The following GABRB1 variants were observed in gnomAD, a reference collection of about 807,000 sequenced individuals.
The protein encoded by GABRB1 is gamma-aminobutyric acid receptor subunit beta-1.
A neutral mutation model predicts 51.6 loss-of-function variants in GABRB1; 17 were observed. That is an observed-to-expected ratio of 0.33 (90% CI 0.23 to 0.49). The LOEUF (loss-of-function observed/expected upper bound fraction) is 0.49. GABRB1 is among the 20% of genes least tolerant of loss of function. The pLI is 0.99. For synonymous variants in GABRB1, 247 were observed against 218.9 expected (o/e 1.13, Z -1.14); for missense variants, 410 against 600.6 (o/e 0.68, Z 3.32).
intron 4 of GABRB1, among the ~76,000 whole-genome samples, chr4:47,233,090 G>A (rs546778947): frequency 2.0e-5 from 3 of 152,180 alleles, no homozygotes; most frequent in African/African-American, 7.2e-5. Context: ...TGCCCAGGCT[G>A]GTCTTAAACT....
chr4:47,304,427 T>C (rs2109942665), intron 4 of GABRB1, among the ~76,000 whole-genome samples: 1 of 152,228 alleles, frequency 6.6e-6, no homozygotes, highest in Non-Finnish European at 1.5e-5. Context: ...TATTTGTATG[T>C]CTGCTTTTGA....
intron 5 of GABRB1, among the ~76,000 whole-genome samples, chr4:47,373,339 A>G (rs1368267635): frequency 6.6e-6 from 1 of 152,196 alleles, no homozygotes; most frequent in Non-Finnish European, 1.5e-5. Flanking sequence ...TACACTCAGG[A>G]AAAGATGTGT....
chr4:47,302,884 T>G (rs765789659), intron 4 of GABRB1, among the ~76,000 whole-genome samples: 1 of 151,998 alleles, frequency 6.6e-6, no homozygotes, highest in Non-Finnish European at 1.5e-5. Flanking sequence ...ATGACTTTTA[T>G]TATTCTGAAG....
chr4:47,414,797 A>C (rs533763298), intron 8 of GABRB1, among the ~76,000 whole-genome samples: 1 of 152,320 alleles, frequency 6.6e-6, no homozygotes, highest in Admixed American at 6.5e-5. Context: ...GGTTAATTCC[A>C]GGATGCAATG....
chr4:47,301,473 A>G (rs1250410589), intron 4 of GABRB1, among the ~76,000 whole-genome samples: 1 of 151,858 alleles, frequency 6.6e-6, no homozygotes, highest in East Asian at 1.9e-4. Flanking sequence ...CCCCATCTCT[A>G]CAATAAAAAA....
intron 4 of GABRB1, among the ~76,000 whole-genome samples, chr4:47,306,239 T>TA (rs1724465191): frequency 3.1e-5 from 1 of 32,264 alleles, no homozygotes; most frequent in Non-Finnish European, 6.4e-5. Flanking sequence ...TAAAATAAAA[T>TA]AAATAACACA....
At chr4:47,072,629 GT>G (rs1727386849) in intron 3 of GABRB1, among the ~76,000 whole-genome samples, 1 of 152,134 alleles carries the variant, frequency 6.6e-6, no homozygotes, top group Admixed American at 6.5e-5. Flanking sequence ...GGAAATTTAA[GT>G]TTGCATAAGG....
intron 5 of GABRB1, among the ~76,000 whole-genome samples, chr4:47,392,619 G>A (rs912228435): frequency 6.6e-6 from 1 of 152,180 alleles, no homozygotes; most frequent in African/African-American, 2.4e-5. Flanking sequence ...TGGGATTACA[G>A]GCGTGAGCCA....
rs1205612762 is a variant in GABRB1 at position 47,358,347 on chromosome 4, TTA to T, written c.544+38144_544+38145del. 7.2e-5 allele frequency among the ~76,000 whole-genome samples: 11 copies of T among 151,824 alleles called. No homozygotes were observed. The East Asian group carries it at 1.5e-3, about 21-fold the overall frequency. On this transcript the variant is annotated intron_variant, in intron 5 of 8. Coordinates refer to ENST00000295454, the MANE Select transcript of GABRB1 (RefSeq NM_000812.4). ...TATATACATGCTATATATATGCATA[TTA>T]TATATGTGTGTGTGTATATATATGT...
At chr4:47,291,575 C>A (rs1723733049) in intron 4 of GABRB1, among the ~76,000 whole-genome samples, 1 of 152,148 alleles carries the variant, frequency 6.6e-6, no homozygotes, top group African/African-American at 2.4e-5. Flanking sequence ...AATGCCAGCC[C>A]ATGAAAGCAA....
chr4:47,158,977 C>A (rs1428710063), intron 3 of GABRB1, among the ~76,000 whole-genome samples: 1 of 151,736 alleles, frequency 6.6e-6, no homozygotes, highest in Admixed American at 6.6e-5. Flanking sequence ...GCTACTTTTT[C>A]ATTTTAGAAA....
intron 5 of GABRB1, among the ~76,000 whole-genome samples, chr4:47,378,934 C>T (rs764741082): frequency 1.2e-4 from 19 of 152,136 alleles, no homozygotes; most frequent in Non-Finnish European, 2.8e-4. Context: ...TCTGATTCAA[C>T]GTCTTTTTCT....
chr4:47,103,583 C>A (rs7696916), intron 3 of GABRB1, among the ~76,000 whole-genome samples: 52,296 of 151,670 alleles, frequency 0.34, 9,371 homozygotes, highest in Middle Eastern at 0.45. Flanking sequence ...ATTCAATGAA[C>A]GTTTAGATTA....
chr4:47,316,985 T>C (rs1453863433), intron 4 of GABRB1, among the ~76,000 whole-genome samples: 1 of 152,018 alleles, frequency 6.6e-6, no homozygotes, highest in Non-Finnish European at 1.5e-5. Context: ...GGTGATTTTA[T>C]ATTAACAAAA....
chr4:47,351,051 G>T (rs781544164), intron 5 of GABRB1, among the ~76,000 whole-genome samples: 2 of 152,180 alleles, frequency 1.3e-5, no homozygotes, highest in African/African-American at 2.4e-5. Flanking sequence ...GATTTTGCAA[G>T]CTTCACAGCT....
chr4:47,315,702 A>T (rs1448913474), intron 4 of GABRB1, among the ~76,000 whole-genome samples: 1 of 152,066 alleles, frequency 6.6e-6, no homozygotes, highest in East Asian at 1.9e-4. Flanking sequence ...ACACAACCTT[A>T]AAAAAGAATG....
rs534056839 is a variant in GABRB1, at chr4:47,237,134, A to G, written c.461+75665A>G. ...TACATAGCCATAACAAGAAAATAAA[A>G]TGAAAAAGGTTATAATTTTTAAACA... is the stretch of plus-strand genomic sequence containing the variant. On this transcript the variant is annotated intron_variant, in intron 4 of 8. Transcript: ENST00000295454. Among the ~76,000 whole-genome samples the G allele has an allele frequency of 2.0e-5, 3 of 152,166 alleles. No homozygotes were observed. The South Asian group carries it at 6.2e-4, about 32-fold the overall frequency.
At chr4:47,131,241 C>A (rs778672862) in intron 3 of GABRB1, among the ~76,000 whole-genome samples, 1 of 151,992 alleles carries the variant, frequency 6.6e-6, no homozygotes, top group African/African-American at 2.4e-5. Flanking sequence ...TTCACTGCAA[C>A]CTCTGCCTCC....
At chr4:47,009,020 C>T (rs1413038623) in intron 1 of GABRB1, among the ~76,000 whole-genome samples, 13 of 148,474 alleles carry the variant, frequency 8.8e-5, no homozygotes, top group African/African-American at 3.0e-4. Flanking sequence ...CCCACCACCA[C>T]GCCCGGCTAA....
Sources: allele counts gnomAD v4.1 joint callset (sites outside exome capture counted in the v4.1 genomes callset), GRCh38; gene constraint gnomAD v4.1.1; transcripts MANE v1.5; gene names NCBI Gene and HGNC (gene_info 2026-07-23, HGNC 2026-07-21).